The following UNC13C variants were observed in gnomAD, a reference collection of about 807,000 sequenced individuals.
The protein encoded by UNC13C is unc-13 homolog C.
A neutral mutation model predicts 245.4 loss-of-function variants in UNC13C; 174 were observed. That is an observed-to-expected ratio of 0.71 (90% CI 0.63 to 0.80). The LOEUF (loss-of-function observed/expected upper bound fraction) is 0.80. UNC13C is among the 30% of genes least tolerant of loss of function. The probability of loss-of-function intolerance (pLI) is 0.00; values close to 1 mark genes in which losing one functional copy is unlikely to be tolerated. For synonymous variants in UNC13C, 992 were observed against 895.1 expected, an observed-to-expected ratio of 1.11 and a Z score of -1.93; for missense variants, 2,829 against 2,602.9, an observed-to-expected ratio of 1.09 and a Z score of -1.89.
intron 10 of UNC13C, among the ~76,000 whole-genome samples, chr15:54,274,378 T>C (rs1456230475): frequency 6.6e-6 from 1 of 152,198 alleles, no homozygotes; most frequent in African/African-American, 2.4e-5. Context: ...GCATGGATAT[T>C]TGTGTGGTCA....
intron 18 of UNC13C, among the ~76,000 whole-genome samples, chr15:54,395,361 G>T (rs890461408): frequency 3.3e-5 from 5 of 151,742 alleles, no homozygotes; most frequent in African/African-American, 2.4e-5. Context: ...CTAAACTAAT[G>T]CAGAATTTCA....
chr15:54,282,709 G>T (rs184481537), intron 10 of UNC13C, among the ~76,000 whole-genome samples: 1 of 152,120 alleles, frequency 6.6e-6, no homozygotes, highest in Non-Finnish European at 1.5e-5. Flanking sequence ...GCACTCAGTG[G>T]GTCCCAAGCT....
chr15:53,905,075 C>A, the UNC13C span, among the ~76,000 whole-genome samples: 54,196 of 151,852 alleles, frequency 0.36, 9,866 homozygotes, highest in Middle Eastern at 0.43. Context: ...GCATAACACA[C>A]GAAACTCTGC....
the UNC13C span, among the ~76,000 whole-genome samples, chr15:53,895,967 C>G: frequency 7.8e-6 from 1 of 128,360 alleles, no homozygotes. Flanking sequence ...CTTTAGCATT[C>G]TCTTTCTTCA....
intron 2 of UNC13C, among the ~76,000 whole-genome samples, chr15:54,022,446 T>C (rs1275483152): frequency 6.6e-6 from 1 of 152,122 alleles, no homozygotes; most frequent in Non-Finnish European, 1.5e-5. Context: ...TAGCTGGGAT[T>C]ACAAGCAAAA....
chr15:54,080,531 T>G (rs1898885475), intron 2 of UNC13C, among the ~76,000 whole-genome samples: 1 of 152,044 alleles, frequency 6.6e-6, no homozygotes, highest in Admixed American at 6.6e-5. Flanking sequence ...TTTCAATTTC[T>G]TACTGTTTTA....
In UNC13C at chr15:54,282,310, T is replaced by C. The variant is rs190749493; in HGVS notation, c.3819-11585T>C. On this transcript the variant is annotated intron_variant, in intron 10 of 32. Coordinates refer to ENST00000260323, the MANE Select transcript of UNC13C (RefSeq NM_001080534.3). ...ATATCATCAATTCAATATGTATATA[T>C]GTGTAATTATGATGTGGGATATTTC... Among the ~76,000 whole-genome samples the C allele has an allele frequency of 1.8e-4, 28 of 152,284 alleles. No homozygotes were observed. The East Asian group carries it at 5.4e-3, about 29-fold the overall frequency.
chr15:54,512,633 C>T (rs983042647), intron 24 of UNC13C, among the ~76,000 whole-genome samples: 6 of 152,090 alleles, frequency 3.9e-5, no homozygotes, highest in African/African-American at 1.4e-4. Context: ...CTCCCCATGC[C>T]CTTATTCCGC....
At chr15:54,333,607 A>T (rs1208072261) in intron 15 of UNC13C, among the ~76,000 whole-genome samples, 160 bp from the exon 16 acceptor site, 1 of 152,098 alleles carries the variant, frequency 6.6e-6, no homozygotes, top group African/African-American at 2.4e-5. Flanking sequence ...TACGTTCTAT[A>T]ATGTTTTATG....
intron 30 of UNC13C, among the ~76,000 whole-genome samples, chr15:54,621,899 GT>G (rs1259870661): frequency 6.6e-6 from 1 of 152,144 alleles, no homozygotes; most frequent in Non-Finnish European, 1.5e-5. Context: ...CCAACTATGA[GT>G]TTCATGAAGG....
the UNC13C span, among the ~76,000 whole-genome samples, chr15:53,864,196 C>A: frequency 2.0e-5 from 3 of 152,104 alleles, no homozygotes; most frequent in Non-Finnish European, 1.5e-5. Flanking sequence ...CCAATTCAAG[C>A]AGAATTTTAT....
chr15:54,125,984 C>T (rs1231043504), intron 2 of UNC13C, among the ~76,000 whole-genome samples: 1 of 151,912 alleles, frequency 6.6e-6, no homozygotes, highest in East Asian at 1.9e-4. Context: ...CGTACAGTAA[C>T]CTCTAGAAAA....
intron 28 of UNC13C, among the ~76,000 whole-genome samples, chr15:54,554,232 CATAG>C (rs1382451015): frequency 6.6e-6 from 1 of 151,794 alleles, no homozygotes; most frequent in Admixed American, 6.6e-5. Flanking sequence ...GTGAGCGAGA[CATAG>C]ATAGATTATT....
At chr15:54,579,699 C>T (rs1204666058) in intron 30 of UNC13C, among the ~76,000 whole-genome samples, 1 of 152,106 alleles carries the variant, frequency 6.6e-6, no homozygotes, top group Non-Finnish European at 1.5e-5. Context: ...GCAGAGGTTG[C>T]AGTGAGCCGA....
chr15:54,450,387 G>A (rs533446526), intron 19 of UNC13C, among the ~76,000 whole-genome samples: 8 of 152,340 alleles, frequency 5.3e-5, no homozygotes, highest in South Asian at 4.2e-4. Context: ...TACAGAGGCC[G>A]GCAGGCCTCC....
chr15:53,885,181 A>G, the UNC13C span, among the ~76,000 whole-genome samples: 1 of 152,224 alleles, frequency 6.6e-6, no homozygotes, highest in Admixed American at 6.5e-5. Flanking sequence ...AACAAACGGA[A>G]ATTGGAAAAG....
the UNC13C span, among the ~76,000 whole-genome samples, chr15:53,918,751 G>A: frequency 0.05 from 7,597 of 152,204 alleles, 420 homozygotes; most frequent in East Asian, 0.14. Context: ...TTCTGAAGCC[G>A]GATGCTTCTT....
At chr15:54,516,799 C>CAAAAAAAAAAAAA (rs59628073) in intron 24 of UNC13C, among the ~76,000 whole-genome samples, 1 of 123,646 alleles carries the variant, frequency 8.1e-6, no homozygotes, top group South Asian at 2.6e-4. Context: ...GATGCTGTCT[C>CAAAAAAAAAAAAA]AAAAAAAAAA....
At position 54,275,762 on chromosome 15, in the gene UNC13C, C is replaced by T. The variant is rs554825364; in HGVS notation, c.3818+10266C>T. 3.9e-5 allele frequency among the ~76,000 whole-genome samples: 6 copies of T among 152,124 alleles called. No homozygotes were observed. In the South Asian group the frequency reaches 1.2e-3, roughly 32 times the overall value. ...AAACCACTTGGGAAAAGAATTCATT[C>T]CTTTATTGAAAAGAAAATATGTGTC... On this transcript the variant is annotated intron_variant, in intron 10 of 32. Coordinates refer to ENST00000260323, the MANE Select transcript of UNC13C (RefSeq NM_001080534.3).
Sources: allele counts gnomAD v4.1 joint callset (sites outside exome capture counted in the v4.1 genomes callset), GRCh38; gene constraint gnomAD v4.1.1; transcripts MANE v1.5; gene names NCBI Gene and HGNC (gene_info 2026-07-23, HGNC 2026-07-21).